The following BCL9L variants were observed in gnomAD, a reference collection of about 807,000 sequenced individuals.
The protein encoded by BCL9L is B-cell CLL/lymphoma 9-like protein.
Under a neutral mutation model 99.4 loss-of-function variants are expected in BCL9L, and 19 were observed. The observed-to-expected ratio is 0.19, with a 90% CI of 0.13 to 0.28. The LOEUF (loss-of-function observed/expected upper bound fraction) is 0.28. BCL9L is among the 10% of genes least tolerant of loss of function. The pLI, the probability that BCL9L is intolerant of heterozygous loss-of-function variation, is 1.00. For missense variants in BCL9L, 2,023 were observed against 2,101.6 expected (o/e 0.96, Z 0.73); for synonymous variants, 900 against 854.8 (o/e 1.05, Z -0.92).
rs777605757 is a variant in BCL9L at position 118,908,552 on chromosome 11, A to G, written c.130T>C (p.Leu44=). ...TTCCCTGTCTTGCCATGATTGGTCA[A>G]TTTATTTTCTGGGTGCATTGGCTTG... ...PAKPMHPENK[L]TNHGKTGNGG... is the part of the protein sequence containing the mutation. The change falls in exon 4 of 10, where the codon TTG becomes CTG. Residue 44 remains leucine, a synonymous_variant. Transcript: ENST00000683865. 1.9e-6 allele frequency: 3 copies of G among 1,613,918 alleles called. No homozygotes were observed. The highest frequency in any genetic ancestry group is 8.5e-7 in the Non-Finnish European group (1 of 1,179,978).
rs763465694 is a variant in BCL9L, at chr11:118,901,020, C to T, written c.2723G>A (p.Arg908Gln). The change falls in exon 8 of 10, where the codon CGG (arginine) becomes CAG (glutamine). Residue 908 changes from arginine to glutamine, a missense_variant. By Grantham distance (43) the Arg-to-Gln change is conservative (BLOSUM62 1). This residue lies in a region of BCL9L where 902 missense variants were observed against 888.2 expected (regional missense o/e 1.02). Transcript: ENST00000683865. The surrounding 1 kb of genome is among the most constrained non-coding windows in gnomAD (Gnocchi z 6.6). ...GTCCGAAGGCCGCCTGCCTAGCCCCCGGTTTGGGGCTGAATGCACGGTCCC... is the reference window on the plus strand; with the variant it reads ...GTCCGAAGGCCGCCTGCCTAGCCCCTGGTTTGGGGCTGAATGCACGGTCCC... ...PPGTVHSAPNRGLGRRPSDLT... is the reference protein window; with the variant it reads ...PPGTVHSAPNQGLGRRPSDLT... 1.4e-5 allele frequency: 22 copies of T among 1,561,552 alleles called. No individual in the cohort carries two copies. The highest frequency in any genetic ancestry group is 3.7e-5 in the Admixed American group (2 of 53,938).
intron 5 of BCL9L, among the ~76,000 whole-genome samples, chr11:118,906,939 C>T (rs1940547327): frequency 6.6e-6 from 1 of 152,224 alleles, no homozygotes; most frequent in Non-Finnish European, 1.5e-5. Flanking sequence ...TCCCCCATCA[C>T]TCATGGAAGG....
intron 1 of BCL9L, among the ~76,000 whole-genome samples, chr11:118,919,505 C>A (rs1941082882): frequency 6.6e-6 from 1 of 152,044 alleles, no homozygotes; most frequent in Non-Finnish European, 1.5e-5. Context: ...GAAGCTCCCA[C>A]AGCAGGCGGG....
rs553061141 is a variant in BCL9L at position 118,921,360 on chromosome 11, G to A, written c.-130-2481C>T. On this transcript the variant is annotated intron_variant, in intron 1 of 9. Transcript: ENST00000683865. This position sits in a 1 kb window ranked among gnomAD's most constrained non-coding sequence, Gnocchi z 5.4. ...CTTGCAGCGCAGAGTGTGTGAAGTC[G>A]GATTAGAAGGCAATGCTCTGGGGAG... is the stretch of plus-strand genomic sequence containing the variant. Among the ~76,000 whole-genome samples the A allele has an allele frequency of 5.3e-5, 8 of 152,210 alleles. No individual in the cohort carries two copies. The highest frequency in any genetic ancestry group is 8.8e-5 in the Non-Finnish European group (6 of 68,038).
At position 118,896,337 on chromosome 11, in the gene BCL9L, G is replaced by T. The variant is rs1305458318; in HGVS notation, c.*2078C>A. ...CAAAATGGCTGGGGGTGTGGCCATG[G>T]ATGGAGGGAAGAGTAGGCTGGCCTG... On this transcript the variant is annotated 3_prime_UTR_variant, in exon 10 of 10. Transcript: ENST00000683865. 2 of 153,814 alleles carry T rather than the reference G, an allele frequency of 1.3e-5. No homozygotes were observed. The highest frequency in any genetic ancestry group is 3.9e-4 in the East Asian group (2 of 5,188). The allele number at this position is 153,814 out of a possible 1,614,324, so 9.5% of individuals were successfully genotyped here. A position where few individuals can be genotyped will look rare whatever the true frequency, so the allele number is the denominator to read the frequency against.
intron 2 of BCL9L, among the ~76,000 whole-genome samples, chr11:118,911,932 G>C (rs1940810088): frequency 6.6e-6 from 1 of 152,216 alleles, no homozygotes. Context: ...ATTTGGGAAG[G>C]GGCTATTAGA....
Position 118,898,057 on chromosome 11 carries a change from C to A in BCL9L, c.*358G>T, listed in dbSNP as rs76952529. The A allele has an allele frequency of 7.4e-4, 323 of 438,016 alleles. 1 individual carries two copies. The highest frequency in any genetic ancestry group is 6.0e-3 in the African/African-American group (297 of 49,822). The allele number at this position is 438,016 out of a possible 1,614,324, so 27.1% of individuals were successfully genotyped here. On this transcript the variant is annotated 3_prime_UTR_variant, in exon 10 of 10. Transcript: ENST00000683865. ...GAGACCTGACCTGTCCTTCCTCTCT[C>A]CCCCCAGATTCCCATCCAGGACTCC...
rs1387270535 is a variant in BCL9L at position 118,896,814 on chromosome 11, G to C, written c.*1601C>G. The C allele has an allele frequency of 4.6e-5, 7 of 152,750 alleles. No individual in the cohort carries two copies. Among genetic ancestry groups the C allele is most frequent in the Admixed American group, 4.6e-4 (7 of 15,294 alleles). 9.5% of individuals were successfully genotyped at this position (152,750 alleles called of 1,614,324 possible). ...AATGGCCCTTGGTCCTGGAGGTGGG[G>C]CGCAAAAGGCCTCAGCCAGGGAACT... On this transcript the variant is annotated 3_prime_UTR_variant, in exon 10 of 10. Transcript: ENST00000683865.
intron 2 of BCL9L, among the ~76,000 whole-genome samples, chr11:118,917,782 C>T: frequency 6.6e-6 from 1 of 152,348 alleles, no homozygotes; most frequent in Middle Eastern, 3.4e-3. Context: ...CAGCCCCGCC[C>T]AACTCCAGTC....
rs1221072239 is a variant in BCL9L at position 118,914,505 on chromosome 11, C to T, written c.-77+4321G>A. ...GCAGCAGCAGCACCTGGGGGCCCCACGAGCTCTGCCCACATTGACATCCAG... is the reference window on the plus strand; with the variant it reads ...GCAGCAGCAGCACCTGGGGGCCCCATGAGCTCTGCCCACATTGACATCCAG... On this transcript the variant is annotated intron_variant, in intron 2 of 9. Transcript: ENST00000683865. The surrounding 1 kb of genome is among the most constrained non-coding windows in gnomAD (Gnocchi z 4.4). Among the ~76,000 whole-genome samples the T allele has an allele frequency of 2.0e-5, 3 of 152,198 alleles. No individual in the cohort carries two copies. Among genetic ancestry groups the T allele is most frequent in the African/African-American group, 7.2e-5 (3 of 41,450 alleles).
rs761025230 is a variant in BCL9L, at chr11:118,901,184, C to T, written c.2559G>A (p.Gln853=). ...NQGQQGFSGG[Q]GPYQAMSQDM... is the part of the protein sequence containing the mutation. ...CCTGGGACATGGCTTGGTAGGGTCC[C>T]TGGCCTCCAGAGAATCCCTGCTGGC... Residue 853 remains glutamine (Q), a synonymous_variant, in exon 8 of 10, where the codon CAG becomes CAA. Coordinates refer to ENST00000683865, the MANE Select transcript of BCL9L (RefSeq NM_001378213.1). This position sits in a 1 kb window ranked among gnomAD's most constrained non-coding sequence, Gnocchi z 6.6. The T allele has an allele frequency of 6.2e-7, 1 of 1,614,072 alleles. No individual in the cohort carries two copies. The highest frequency in any genetic ancestry group is 2.2e-5 in the East Asian group (1 of 44,860).
rs766411337 is a variant in BCL9L, at chr11:118,901,021, G to A, written c.2722C>T (p.Arg908Trp). 14 of 1,564,086 alleles carry A rather than the reference G, an allele frequency of 9.0e-6. No homozygotes were observed. The South Asian group carries it at 9.7e-5, about 11-fold the overall frequency. ...TCCGAAGGCCGCCTGCCTAGCCCCC[G>A]GTTTGGGGCTGAATGCACGGTCCCA... ...PPGTVHSAPN[R>W]GLGRRPSDLT... The change falls in exon 8 of 10, where the codon CGG (arginine) becomes TGG (tryptophan). Residue 908 changes from arginine (R) to tryptophan (W), a missense_variant. Physicochemically the swap from Arg to Trp is moderately radical, Grantham distance 101. Around this residue, in one of 3 missense-constraint regions of BCL9L, gnomAD observed 902 missense variants for 888.2 expected, o/e 1.02. Transcript: ENST00000683865. This position sits in a 1 kb window ranked among gnomAD's most constrained non-coding sequence, Gnocchi z 6.6.
chr11:118,912,052 C>G (rs1940816597), intron 2 of BCL9L, among the ~76,000 whole-genome samples: 1 of 152,172 alleles, frequency 6.6e-6, no homozygotes, highest in Non-Finnish European at 1.5e-5. Flanking sequence ...CGCCGCAGGG[C>G]GAGCTGAGTC....
At position 118,898,397 on chromosome 11, in the gene BCL9L, C is replaced by A. The variant is rs772154290; in HGVS notation, c.*18G>T. 1 of 1,583,878 alleles carries A rather than the reference C, an allele frequency of 6.3e-7. No individual in the cohort carries two copies. The highest frequency in any genetic ancestry group is 1.8e-5 in the Admixed American group (1 of 56,688). On this transcript the variant is annotated 3_prime_UTR_variant, in exon 10 of 10. Coordinates refer to ENST00000683865, the MANE Select transcript of BCL9L (RefSeq NM_001378213.1). ...CGTATTTGCAACATTGCCCCGGCTC[C>A]AGCCCTGGCAGCGACTTCTAGAAGG...
chr11:118,919,620 C>G (rs1353541438), intron 1 of BCL9L, among the ~76,000 whole-genome samples: 1 of 152,078 alleles, frequency 6.6e-6, no homozygotes, highest in African/African-American at 2.4e-5. Flanking sequence ...GCTAACCACC[C>G]CTCCCTCTCT....
rs1941170138 is a variant in BCL9L at position 118,922,528 on chromosome 11, C to T, written c.-131+2710G>A. ...GGCAGGCAGGGGCACACATGCGGAGCTAGAGCAGCCAGGCGCTCAACAGGT... is the reference window on the plus strand; with the variant it reads ...GGCAGGCAGGGGCACACATGCGGAGTTAGAGCAGCCAGGCGCTCAACAGGT... On this transcript the variant is annotated intron_variant, in intron 1 of 9. Coordinates refer to ENST00000683865, the MANE Select transcript of BCL9L (RefSeq NM_001378213.1). The surrounding 1 kb of genome is among the most constrained non-coding windows in gnomAD (Gnocchi z 6.2). 1.3e-5 allele frequency among the ~76,000 whole-genome samples: 2 copies of T among 152,290 alleles called. No individual in the cohort carries two copies. Among genetic ancestry groups the T allele is most frequent in the South Asian group, 4.1e-4 (2 of 4,828 alleles).
intron 5 of BCL9L, among the ~76,000 whole-genome samples, chr11:118,904,508 T>C (rs1940425836): frequency 6.6e-6 from 1 of 151,950 alleles, no homozygotes; most frequent in South Asian, 2.1e-4. Flanking sequence ...CTGGAAACAC[T>C]CTCAAGACAG....
chr11:118,911,161 C>G (rs1940779770), intron 2 of BCL9L: 1 of 450,160 alleles, frequency 2.2e-6, no homozygotes, highest in East Asian at 7.0e-5. Context: ...CTCACCCAAC[C>G]GCCCCCAGCC....
chr11:118,905,761 A>T (rs1591986453), intron 5 of BCL9L, among the ~76,000 whole-genome samples: 1 of 150,686 alleles, frequency 6.6e-6, no homozygotes, highest in Non-Finnish European at 1.5e-5. Context: ...AGGTTGCAGT[A>T]AGCCGAGTTC....
Sources: allele counts gnomAD v4.1 joint callset (sites outside exome capture counted in the v4.1 genomes callset), GRCh38; gene constraint gnomAD v4.1.1; regional missense constraint gnomAD v4.1.1; non-coding constraint Gnocchi (gnomAD v3.1); transcripts MANE v1.5; gene names NCBI Gene and HGNC (gene_info 2026-07-23, HGNC 2026-07-21).